The following DNAJC2 variants were observed in gnomAD, a reference collection of about 807,000 sequenced individuals.
DNAJC2 encodes the protein DnaJ heat shock protein family (Hsp40) member C2.
DNAJC2 carries 32 observed loss-of-function variants against 94.0 expected under a neutral mutation model. The observed-to-expected ratio is 0.34, with a 90% CI of 0.26 to 0.46. The LOEUF (loss-of-function observed/expected upper bound fraction) is 0.46. Ranked by LOEUF, DNAJC2 falls within the 20% of genes least tolerant of loss-of-function variation. DNAJC2 has a pLI of 1.00. For missense variants in DNAJC2, 550 were observed against 719.5 expected (o/e 0.76, Z 2.69); for synonymous variants, 210 against 229.7 (o/e 0.91, Z 0.77).
intron 3 of DNAJC2, among the ~76,000 whole-genome samples, chr7:103,330,136 C>A (rs1255490275): frequency 6.6e-6 from 1 of 152,202 alleles, no homozygotes; most frequent in East Asian, 1.9e-4. Flanking sequence ...TATGTGCTTT[C>A]ACTACCTACT....
In DNAJC2 at chr7:103,319,597, T is replaced by C; in HGVS notation, c.1242+12A>G. 7 of 1,613,432 alleles carry C rather than the reference T, an allele frequency of 4.3e-6. No individual in the cohort carries two copies. The highest frequency in any genetic ancestry group is 5.9e-6 in the Non-Finnish European group (7 of 1,179,368). On this transcript the variant is annotated intron_variant, in intron 12 of 16. Coordinates refer to ENST00000379263, the MANE Select transcript of DNAJC2 (RefSeq NM_014377.3). ...GCTACATATAGGTAGGAGTGATGTG[T>C]TCCTCTATTACCTGTTTTTCCAAAG...
In DNAJC2 at chr7:103,344,661, C is replaced by G; in HGVS notation, c.-39G>C. 1 of 1,599,398 alleles carries G rather than the reference C, an allele frequency of 6.3e-7. No individual in the cohort carries two copies. Among genetic ancestry groups the G allele is most frequent in the Admixed American group, 1.7e-5 (1 of 59,860 alleles). The stretch of plus-strand genomic sequence containing the variant: ...CTAGCCCGGTGGGCGCAGCGGCTCA[C>G]GTCCCGGGCGGAGGGCGCTTAGGGT... On this transcript the variant is annotated 5_prime_UTR_variant, in exon 1 of 17. Coordinates refer to ENST00000379263, the MANE Select transcript of DNAJC2 (RefSeq NM_014377.3).
chr7:103,340,205 C>A (rs1819324672), intron 2 of DNAJC2, among the ~76,000 whole-genome samples: 1 of 152,216 alleles, frequency 6.6e-6, no homozygotes, highest in African/African-American at 2.4e-5. Context: ...GGAAGTATTT[C>A]TTCAAATAAC....
intron 7 of DNAJC2, 133 bp from the exon 8 acceptor site, chr7:103,322,927 A>C: frequency 1.3e-6 from 1 of 774,526 alleles, no homozygotes; most frequent in Non-Finnish European, 2.0e-6. Context: ...CTAACATTAA[A>C]CAATGATTTT....
chr7:103,334,747 C>T (rs1445901391), intron 3 of DNAJC2, among the ~76,000 whole-genome samples: 1 of 151,928 alleles, frequency 6.6e-6, no homozygotes, highest in African/African-American at 2.4e-5. Flanking sequence ...CCATGCTTGG[C>T]CTATAGAAAT....
At chr7:103,316,624 T>A in intron 13 of DNAJC2, 1 of 510,622 alleles carries the variant, frequency 2.0e-6, no homozygotes, top group Non-Finnish European at 3.4e-6. Flanking sequence ...AAACAAGTAT[T>A]CTGTCATATG....
intron 5 of DNAJC2, among the ~76,000 whole-genome samples, chr7:103,325,571 G>A (rs1048156732): frequency 4.6e-5 from 7 of 152,112 alleles, no homozygotes; most frequent in Non-Finnish European, 8.8e-5. Context: ...AATCACCTGG[G>A]AGCCTTAAAA....
At position 103,344,741 on chromosome 7, in the gene DNAJC2, A is replaced by T; in HGVS notation, c.-119T>A. ...CTCGCGCCTTGGCTCTAAGACGCCC[A>T]GGAACCGGCGCATGGAGACGACCAG... is the stretch of plus-strand genomic sequence containing the variant. On this transcript the variant is annotated 5_prime_UTR_variant, in exon 1 of 17. Transcript: ENST00000379263. 2.9e-6 allele frequency: 3 copies of T among 1,035,932 alleles called. No homozygotes were observed. The highest frequency in any genetic ancestry group is 4.3e-6 in the Non-Finnish European group (3 of 691,844). 64.2% of individuals were successfully genotyped at this position (1,035,932 alleles called of 1,614,324 possible).
At chr7:103,330,667 GT>G (rs1818929657) in intron 3 of DNAJC2, among the ~76,000 whole-genome samples, 1 of 151,118 alleles carries the variant, frequency 6.6e-6, no homozygotes, top group Non-Finnish European at 1.5e-5. Flanking sequence ...GGCCAGGCTG[GT>G]CTCGAACTCC....
In DNAJC2 at chr7:103,344,563, G is replaced by C; in HGVS notation, c.60C>G (p.Thr20=). The change falls in exon 1 of 17, where the codon ACC becomes ACG. Residue 20 remains threonine, a synonymous_variant. Coordinates refer to ENST00000379263, the MANE Select transcript of DNAJC2 (RefSeq NM_014377.3). ...CGAGGTTGGGTGGGCACTTACCAGA[G>C]GTCAGAGCGTGGGTGATGGCGGTGC... ...GRGTAITHAL[T]SASTLCQVEP... is the part of the protein sequence containing the mutation. The C allele has an allele frequency of 6.2e-7, 1 of 1,613,750 alleles. No individual in the cohort carries two copies. Among genetic ancestry groups the C allele is most frequent in the Middle Eastern group, 1.7e-4 (1 of 6,060 alleles).
chr7:103,313,473 T>G, intron 15 of DNAJC2: 1 of 985,174 alleles, frequency 1.0e-6, no homozygotes, highest in Non-Finnish European at 1.2e-6. Flanking sequence ...AGAGTTCTGA[T>G]AAATCTACTT....
At chr7:103,339,805 A>G (rs1819309972) in intron 2 of DNAJC2, among the ~76,000 whole-genome samples, 1 of 150,160 alleles carries the variant, frequency 6.7e-6, no homozygotes, top group Non-Finnish European at 1.5e-5. Flanking sequence ...TATGTGATTG[A>G]CCTCTTTCTG....
At chr7:103,323,085 A>G (rs1818508969) in intron 7 of DNAJC2, among the ~76,000 whole-genome samples, 1 of 152,108 alleles carries the variant, frequency 6.6e-6, no homozygotes, top group Non-Finnish European at 1.5e-5. Context: ...GCCTGTCACC[A>G]TGCCTGGCTA....
chr7:103,316,473 T>C, intron 13 of DNAJC2: 1 of 222,858 alleles, frequency 4.5e-6, no homozygotes, highest in Non-Finnish European at 8.7e-6. Flanking sequence ...GCAGTTAAAC[T>C]CAAGCTCCAG....
At chr7:103,336,744 T>C (rs1819190181) in intron 3 of DNAJC2, 1 of 152,250 alleles carries the variant, frequency 6.6e-6, no homozygotes, top group Admixed American at 6.5e-5. Flanking sequence ...TTCACATGCA[T>C]TACCATATGC....
At chr7:103,325,907 TAA>T (rs1355509361) in intron 5 of DNAJC2, among the ~76,000 whole-genome samples, 1 of 152,122 alleles carries the variant, frequency 6.6e-6, no homozygotes, top group African/African-American at 2.4e-5. Context: ...TACCGATTGA[TAA>T]AGAGGAAATC....
rs1040881184 is a variant in DNAJC2, at chr7:103,330,964, AT to A, written c.332-3211del. On this transcript the variant is annotated intron_variant, in intron 3 of 16. Transcript: ENST00000379263. ...TGTTCATAATACATGAACAAAATCC[AT>A]TTTTTTTTTTTGAGATGGAGTCTCA... Among the ~76,000 whole-genome samples the A allele has an allele frequency of 6.0e-4, 83 of 139,084 alleles. 1 individual carries two copies. Among genetic ancestry groups the A allele is most frequent in the East Asian group, 1.1e-3 (5 of 4,636 alleles). 91.2% of individuals were successfully genotyped at this position (139,084 alleles called of 152,430 possible).
At position 103,312,457 on chromosome 7, in the gene DNAJC2, T is replaced by C. The variant is rs1245066002; in HGVS notation, c.*112A>G. 6.5e-7 allele frequency: 1 copy of C among 1,530,046 alleles called. No homozygotes were observed. The highest frequency in any genetic ancestry group is 8.7e-7 in the Non-Finnish European group (1 of 1,146,706). 94.8% of individuals were successfully genotyped at this position (1,530,046 alleles called of 1,614,324 possible). A position where few individuals can be genotyped will look rare whatever the true frequency, so the allele number is the denominator to read the frequency against. The stretch of plus-strand genomic sequence containing the variant: ...TGGTCAGTCTTTGTTCTCTGAGAAA[T>C]TATGTTGGAAGCAGCATACTTTCAA... On this transcript the variant is annotated 3_prime_UTR_variant, in exon 17 of 17. Coordinates refer to ENST00000379263, the MANE Select transcript of DNAJC2 (RefSeq NM_014377.3).
chr7:103,316,071 T>C lies in DNAJC2; in HGVS notation c.1445A>G (p.Asn482Ser). 6.3e-7 allele frequency: 1 copy of C among 1,586,586 alleles called. No individual in the cohort carries two copies. Among genetic ancestry groups the C allele is most frequent in the South Asian group, 1.1e-5 (1 of 86,976 alleles). The stretch of plus-strand genomic sequence containing the variant: ...AGAGGAAGAATGTATGTTCATGTAA[T>C]TAGCAATAACTTCCCATCTGATAGG... Reference protein sequence around the residue: ...GTNSRWEVIANYMNIHSSSGV... With the variant: ...GTNSRWEVIASYMNIHSSSGV... Residue 482 changes from asparagine (N) to serine (S), a missense_variant, in exon 14 of 17, where the codon AAT becomes AGT. By Grantham distance (46) the Asn-to-Ser change is conservative. Around this residue, in one of 2 missense-constraint regions of DNAJC2, gnomAD observed 271 missense variants for 302.6 expected, o/e 0.90. Coordinates refer to ENST00000379263, the MANE Select transcript of DNAJC2 (RefSeq NM_014377.3).
Sources: gnomAD v4.1 joint callset for allele counts (sites outside exome capture counted in the v4.1 genomes callset) on GRCh38, gnomAD v4.1.1 for gene constraint, gnomAD v4.1.1 regional missense constraint, MANE v1.5 for transcripts, NCBI Gene and HGNC (gene_info 2026-07-23, HGNC 2026-07-21) for gene names.